CNTNAP5: variants seen among roughly 807,000 people sequenced by gnomAD.
The protein encoded by CNTNAP5 is contactin-associated protein-like 5.
CNTNAP5 carries 72 observed loss-of-function variants against 150.2 expected under a neutral mutation model. The observed-to-expected ratio is 0.48, with a 90% confidence interval of 0.40 to 0.58. CNTNAP5 has a LOEUF of 0.58. Ranked by LOEUF, CNTNAP5 falls within the 20% of genes least tolerant of loss-of-function variation. The pLI, the probability that CNTNAP5 is intolerant of heterozygous loss-of-function variation, is 0.00. For synonymous variants in CNTNAP5, 672 were observed against 619.8 expected (o/e 1.08, Z -1.25); for missense variants, 1,636 against 1,626.2 (o/e 1.01, Z -0.10).
chr2:124,684,949 A>G (rs1679157223), intron 13 of CNTNAP5, among the ~76,000 whole-genome samples: 1 of 152,120 alleles, frequency 6.6e-6, no homozygotes, highest in South Asian at 2.1e-4. Flanking sequence ...TTGACTTTTA[A>G]TCACCAGGCC....
intron 19 of CNTNAP5, among the ~76,000 whole-genome samples, chr2:124,823,244 G>A (rs1341673033): frequency 6.6e-6 from 1 of 152,136 alleles, no homozygotes; most frequent in South Asian, 2.1e-4. Context: ...TTCTGGGAAA[G>A]CTACCTAAGA....
intron 3 of CNTNAP5, among the ~76,000 whole-genome samples, chr2:124,358,970 C>T (rs1410482606): frequency 1.3e-5 from 2 of 149,794 alleles, no homozygotes; most frequent in Non-Finnish European, 3.0e-5. Context: ...TGATTATTGC[C>T]ACAATTTCAG....
Position 124,915,593 on chromosome 2 carries a change from A to G in CNTNAP5, c.*1305A>G, listed in dbSNP as rs1678750334. Among the ~76,000 whole-genome samples, 1 of 151,974 alleles carries G rather than the reference A, an allele frequency of 6.6e-6. No individual in the cohort carries two copies. On this transcript the variant is annotated 3_prime_UTR_variant, in exon 24 of 24. Transcript: ENST00000682447. ...GCCCTTAGGTTCTGTAGCATACCAC[A>G]TTTTCAAATCTGCTATACCCTATAT... is the stretch of plus-strand genomic sequence containing the variant.
intron 1 of CNTNAP5, among the ~76,000 whole-genome samples, chr2:124,068,984 C>T (rs1218344091): frequency 6.6e-6 from 1 of 152,066 alleles, no homozygotes; most frequent in Non-Finnish European, 1.5e-5. Flanking sequence ...CTGAGACATA[C>T]TCACTTCAAG....
At chr2:124,604,447 A>C (rs1182497365) in intron 11 of CNTNAP5, among the ~76,000 whole-genome samples, 1 of 152,212 alleles carries the variant, frequency 6.6e-6, no homozygotes, top group African/African-American at 2.4e-5. Flanking sequence ...ATTCATAATA[A>C]TACTAAAAAT....
At chr2:124,762,887 G>T (rs1255131023) in intron 14 of CNTNAP5, among the ~76,000 whole-genome samples, 9 of 151,810 alleles carry the variant, frequency 5.9e-5, no homozygotes, top group East Asian at 5.8e-4. Context: ...GAATTTTTTT[G>T]GGGGAAAAAT....
chr2:124,297,928 T>G (rs1371432567), intron 3 of CNTNAP5, among the ~76,000 whole-genome samples: 2 of 151,634 alleles, frequency 1.3e-5, no homozygotes, highest in African/African-American at 4.8e-5. Flanking sequence ...CACTGCAACC[T>G]CCGCCTCCCG....
At chr2:124,341,720 G>A (rs1689621358) in intron 3 of CNTNAP5, among the ~76,000 whole-genome samples, 2 of 152,136 alleles carry the variant, frequency 1.3e-5, no homozygotes, top group Non-Finnish European at 2.9e-5. Context: ...AGTCAGTTGA[G>A]ATAATTTCTA....
intron 1 of CNTNAP5, among the ~76,000 whole-genome samples, chr2:124,085,919 T>G (rs892958741): frequency 1.3e-5 from 2 of 152,216 alleles, no homozygotes; most frequent in African/African-American, 4.8e-5. Context: ...GCCCACAATA[T>G]GGTCTGTCTT....
At chr2:124,411,586 A>G (rs1691765633) in intron 3 of CNTNAP5, among the ~76,000 whole-genome samples, 2 of 135,166 alleles carry the variant, frequency 1.5e-5, no homozygotes, top group Non-Finnish European at 3.3e-5. Flanking sequence ...ACGCAAATCA[A>G]TAAATGTAAT....
intron 19 of CNTNAP5, among the ~76,000 whole-genome samples, chr2:124,812,644 A>G (rs1366092609): frequency 6.6e-6 from 1 of 152,136 alleles, no homozygotes; most frequent in East Asian, 1.9e-4. Context: ...TAACTCAGAC[A>G]TTCCTTTCTA....
At chr2:124,820,456 G>A (rs73955842) in intron 19 of CNTNAP5, among the ~76,000 whole-genome samples, 7,568 of 150,406 alleles carry the variant, frequency 0.05, 620 homozygotes, top group African/African-American at 0.18. Context: ...CTCAGGTGAG[G>A]TGGAAAGGAA....
chr2:124,356,705 A>G (rs960987580), intron 3 of CNTNAP5, among the ~76,000 whole-genome samples: 1 of 151,942 alleles, frequency 6.6e-6, no homozygotes, highest in African/African-American at 2.4e-5. Flanking sequence ...CCAGCCTATC[A>G]TTGTTAGACA....
At chr2:124,117,128 T>C (rs1201275001) in intron 1 of CNTNAP5, among the ~76,000 whole-genome samples, 2 of 152,212 alleles carry the variant, frequency 1.3e-5, no homozygotes, top group Non-Finnish European at 2.9e-5. Context: ...TAAGTTTCCC[T>C]TATTTTCATT....
chr2:124,212,636 C>T (rs1002634292), intron 1 of CNTNAP5, among the ~76,000 whole-genome samples: 2 of 151,860 alleles, frequency 1.3e-5, no homozygotes, highest in African/African-American at 2.4e-5. Flanking sequence ...ATAGCTTTAC[C>T]GTATTTGATT....
At chr2:124,139,929 C>T (rs546584790) in intron 1 of CNTNAP5, among the ~76,000 whole-genome samples, 368 of 152,086 alleles carry the variant, frequency 2.4e-3, no homozygotes, top group Non-Finnish European at 3.9e-3. Context: ...CCAGTGTGTG[C>T]GCGCACCGTG....
rs534941156 is a variant in CNTNAP5, at chr2:124,717,553, T to G, written c.2078-29676T>G. Among the ~76,000 whole-genome samples the G allele has an allele frequency of 3.3e-5, 5 of 152,308 alleles. No individual in the cohort carries two copies. In the South Asian group the frequency reaches 1.0e-3, roughly 32 times the overall value. On this transcript the variant is annotated intron_variant, in intron 13 of 23. Transcript: ENST00000682447. The stretch of plus-strand genomic sequence containing the variant: ...AAGTCATTTGAAGAGTTTGCTGAAA[T>G]GTTGATTTCTAAGCCCTATTTCTAG...
chr2:124,610,020 T>C (rs976804185), intron 12 of CNTNAP5, 100 bp downstream of exon 12: 2 of 1,351,388 alleles, frequency 1.5e-6, no homozygotes, highest in Non-Finnish European at 2.0e-6. Flanking sequence ...AATAAAAATT[T>C]GAAAGACCAA....
chr2:124,106,985 G>A (rs567803450), intron 1 of CNTNAP5, among the ~76,000 whole-genome samples: 19 of 152,306 alleles, frequency 1.2e-4, no homozygotes, highest in African/African-American at 2.2e-4. Flanking sequence ...TGTCAGAAGC[G>A]TTGTGAATAA....
Sources: allele counts gnomAD v4.1 joint callset (sites outside exome capture counted in the v4.1 genomes callset), GRCh38; gene constraint gnomAD v4.1.1; transcripts MANE v1.5; gene names NCBI Gene and HGNC (gene_info 2026-07-23, HGNC 2026-07-21).